ASTN2: variants seen among roughly 807,000 people sequenced by gnomAD.
ASTN2 encodes astrotactin-2.
In ASTN2, 54 loss-of-function variants were observed where a neutral mutation model predicts 139.8. The ratio of observed to expected loss-of-function variants is 0.39; its 90% CI spans 0.31 to 0.48. ASTN2 has a LOEUF of 0.48. Ranked by LOEUF, ASTN2 falls within the 20% of genes least tolerant of loss-of-function variation. The probability of loss-of-function intolerance (pLI) is 0.95; values close to 1 mark genes in which losing one functional copy is unlikely to be tolerated. For synonymous variants in ASTN2, 756 were observed against 719.5 expected, an observed-to-expected ratio of 1.05 and a Z score of -0.81; for missense variants, 1,565 against 1,725.1, an observed-to-expected ratio of 0.91 and a Z score of 1.64.
chr9:116,959,466 G>A (rs1380220083), intron 10 of ASTN2, among the ~76,000 whole-genome samples: 1 of 152,138 alleles, frequency 6.6e-6, no homozygotes, highest in African/African-American at 2.4e-5. Flanking sequence ...GCAATGGAAG[G>A]GTCTAAAGCA....
chr9:117,182,191 T>C (rs1316350121), intron 3 of ASTN2, among the ~76,000 whole-genome samples: 2 of 150,648 alleles, frequency 1.3e-5, no homozygotes, highest in African/African-American at 4.9e-5. Context: ...GCCTCATGCA[T>C]ATTTATGTAG....
intron 16 of ASTN2, among the ~76,000 whole-genome samples, chr9:116,720,464 C>T (rs938003103): frequency 1.3e-5 from 2 of 152,124 alleles, no homozygotes; most frequent in African/African-American, 4.8e-5. Flanking sequence ...TCTTTCACTT[C>T]TAGCCTCTCT....
At chr9:116,915,630 T>C (rs536287585) in intron 10 of ASTN2, among the ~76,000 whole-genome samples, 1 of 152,280 alleles carries the variant, frequency 6.6e-6, no homozygotes, top group Admixed American at 6.5e-5. Context: ...GAAGCCTCCA[T>C]AAAAATCCTT....
intron 19 of ASTN2, among the ~76,000 whole-genome samples, chr9:116,566,821 T>C (rs1490768970): frequency 6.6e-6 from 1 of 152,206 alleles, no homozygotes; most frequent in Non-Finnish European, 1.5e-5. Context: ...AGGATTCCCT[T>C]AGGCTGGGCA....
chr9:116,800,168 C>T (rs1042073747), intron 13 of ASTN2, among the ~76,000 whole-genome samples: 1 of 152,084 alleles, frequency 6.6e-6, no homozygotes, highest in East Asian at 1.9e-4. Flanking sequence ...GCACACATTT[C>T]CCCCTTCCCC....
At chr9:117,316,864 C>G (rs1019325103) in intron 1 of ASTN2, among the ~76,000 whole-genome samples, 1 of 152,088 alleles carries the variant, frequency 6.6e-6, no homozygotes. Context: ...GGTCTGGGCC[C>G]AACGAAGGTC....
intron 11 of ASTN2, among the ~76,000 whole-genome samples, chr9:116,852,995 G>A (rs772894877): frequency 6.6e-6 from 1 of 151,948 alleles, no homozygotes; most frequent in Non-Finnish European, 1.5e-5. Context: ...AGCAGAATGT[G>A]TAGTTCTGAC....
Position 116,599,412 on chromosome 9 carries a change from G to A in ASTN2, c.3355+18912C>T, listed in dbSNP as rs956959322. Among the ~76,000 whole-genome samples the A allele has an allele frequency of 2.6e-5, 4 of 152,326 alleles. No individual in the cohort carries two copies. In the East Asian group the frequency reaches 7.7e-4, roughly 29 times the overall value. Reference sequence around the variant, plus strand: ...GTGTTCATTTTCAAAAGGAAGGTAAGGAGAAAGTAAAGGGGATGAATGATT... The same window carrying A: ...GTGTTCATTTTCAAAAGGAAGGTAAAGAGAAAGTAAAGGGGATGAATGATT... On this transcript the variant is annotated intron_variant, in intron 19 of 22. Coordinates refer to ENST00000313400, the MANE Select transcript of ASTN2 (RefSeq NM_001365068.1).
At chr9:116,866,334 G>T (rs1484604256) in intron 10 of ASTN2, among the ~76,000 whole-genome samples, 1 of 152,178 alleles carries the variant, frequency 6.6e-6, no homozygotes, top group African/African-American at 2.4e-5. Context: ...CCAACTCTGG[G>T]TCCCCATTCC....
chr9:117,408,186 C>T (rs1831057784), intron 1 of ASTN2, among the ~76,000 whole-genome samples: 1 of 151,614 alleles, frequency 6.6e-6, no homozygotes, highest in Admixed American at 6.6e-5. Context: ...AGAGTGTCCC[C>T]CTTTATGATG....
intron 19 of ASTN2, among the ~76,000 whole-genome samples, chr9:116,515,413 G>T (rs1204585642): frequency 1.3e-5 from 2 of 152,152 alleles, no homozygotes; most frequent in African/African-American, 4.8e-5. Flanking sequence ...GAAACAAAGG[G>T]ATAGAGTCCA....
chr9:116,557,561 G>A (rs1852695409), intron 19 of ASTN2: 1 of 152,114 alleles, frequency 6.6e-6, no homozygotes, highest in African/African-American at 2.4e-5. Context: ...GCCAAGAGAT[G>A]GATGGCCACG....
chr9:116,485,244 A>G (rs573396947), intron 20 of ASTN2, among the ~76,000 whole-genome samples: 1 of 151,982 alleles, frequency 6.6e-6, no homozygotes, highest in South Asian at 2.1e-4. Flanking sequence ...CATTATCCAC[A>G]TTTTCAAAGA....
intron 10 of ASTN2, among the ~76,000 whole-genome samples, chr9:116,877,775 T>C (rs560717555): frequency 1.3e-5 from 2 of 151,532 alleles, no homozygotes; most frequent in African/African-American, 2.4e-5. Context: ...ATCATTCCTC[T>C]GGCAAAAAAA....
chr9:116,965,643 G>A (rs188346274), intron 10 of ASTN2, among the ~76,000 whole-genome samples: 1 of 152,250 alleles, frequency 6.6e-6, no homozygotes, highest in East Asian at 1.9e-4. Context: ...CATTCCTGTG[G>A]CTGAGCTGAT....
intron 19 of ASTN2, chr9:116,583,429 C>T (rs749659547): frequency 4.6e-5 from 7 of 152,090 alleles, no homozygotes; most frequent in Non-Finnish European, 8.8e-5. Flanking sequence ...TTCAAGAAGG[C>T]AGAGTTTTTG....
At chr9:117,030,019 T>TA (rs1437366413) in intron 6 of ASTN2, among the ~76,000 whole-genome samples, 13 of 130,644 alleles carry the variant, frequency 1.0e-4, no homozygotes, top group Non-Finnish European at 1.6e-4. Flanking sequence ...GTTTTTAGAT[T>TA]TAAAAAAAAC....
chr9:117,348,285 C>T (rs1829285626), intron 1 of ASTN2, among the ~76,000 whole-genome samples: 1 of 152,178 alleles, frequency 6.6e-6, no homozygotes, highest in East Asian at 1.9e-4. Context: ...TGCCAAACAA[C>T]TGAGAACATA....
At chr9:116,510,285 CTT>C (rs1850314118) in intron 19 of ASTN2, among the ~76,000 whole-genome samples, 1 of 152,084 alleles carries the variant, frequency 6.6e-6, no homozygotes, top group Admixed American at 6.6e-5. Flanking sequence ...ATTTCTTGCT[CTT>C]GTCAGGTTTG....
Sources: allele counts gnomAD v4.1 joint callset (sites outside exome capture counted in the v4.1 genomes callset), GRCh38; gene constraint gnomAD v4.1.1; transcripts MANE v1.5; gene names NCBI Gene and HGNC (gene_info 2026-07-23, HGNC 2026-07-21).